The following MAGI1 variants were observed in gnomAD, a reference collection of about 807,000 sequenced individuals.
MAGI1 encodes the protein membrane associated guanylate kinase, WW and PDZ domain containing 1.
A neutral mutation model predicts 139.9 loss-of-function variants in MAGI1; 58 were observed. That is an observed-to-expected ratio of 0.41 (90% confidence interval 0.34 to 0.52). The LOEUF is 0.52. Ranked by LOEUF, MAGI1 falls within the 20% of genes least tolerant of loss-of-function variation. The pLI is 0.12. For synonymous variants in MAGI1, 812 were observed against 737.9 expected (o/e 1.10, Z -1.63); for missense variants, 1,874 against 1,901.6 (o/e 0.99, Z 0.27).
At chr3:65,616,564 GT>G (rs1159025750) in intron 2 of MAGI1, among the ~76,000 whole-genome samples, 1 of 152,168 alleles carries the variant, frequency 6.6e-6, no homozygotes, top group African/African-American at 2.4e-5. Flanking sequence ...TATTGCTATT[GT>G]TACTAGTCAT....
At chr3:65,509,948 A>T (rs1344834448) in intron 2 of MAGI1, among the ~76,000 whole-genome samples, 3 of 152,178 alleles carry the variant, frequency 2.0e-5, no homozygotes, top group Non-Finnish European at 4.4e-5. Flanking sequence ...AGCACGCAGA[A>T]GGAGATCTGA....
intron 2 of MAGI1, among the ~76,000 whole-genome samples, chr3:65,531,977 C>T (rs2078734495): frequency 6.6e-6 from 1 of 152,134 alleles, no homozygotes; most frequent in African/African-American, 2.4e-5. Flanking sequence ...GTATTCTAAA[C>T]CTGACCACTT....
At chr3:65,640,915 A>G (rs1424117608) in intron 1 of MAGI1, among the ~76,000 whole-genome samples, 1 of 152,152 alleles carries the variant, frequency 6.6e-6, no homozygotes, top group Non-Finnish European at 1.5e-5. Context: ...ATAGGTCCAC[A>G]CTTCAGCCTT....
chr3:65,587,479 CTTTTTTT>C (rs755825684), intron 2 of MAGI1, among the ~76,000 whole-genome samples: 1 of 109,520 alleles, frequency 9.1e-6, no homozygotes, highest in African/African-American at 3.9e-5. Context: ...TTACTTTTTT[CTTTTTTT>C]TTTTTTTTTT....
At chr3:65,835,245 C>T (rs59997916) in intron 1 of MAGI1, among the ~76,000 whole-genome samples, 21,790 of 151,888 alleles carry the variant, frequency 0.14, 2,198 homozygotes, top group African/African-American at 0.27. Flanking sequence ...TTTAAGTGCC[C>T]CTCTGGTATA....
chr3:65,702,721 C>A (rs1247888778), intron 1 of MAGI1, among the ~76,000 whole-genome samples: 1 of 152,114 alleles, frequency 6.6e-6, no homozygotes, highest in Non-Finnish European at 1.5e-5. Flanking sequence ...TGTACTACAA[C>A]CACTGGTACT....
intron 1 of MAGI1, among the ~76,000 whole-genome samples, chr3:66,034,555 G>A (rs555901189): frequency 9.2e-5 from 14 of 152,224 alleles, no homozygotes; most frequent in Middle Eastern, 3.4e-3. Flanking sequence ...ACATTTTTCC[G>A]AAGCATATAC....
intron 1 of MAGI1, among the ~76,000 whole-genome samples, chr3:65,760,285 G>A (rs2036907783): frequency 6.6e-6 from 1 of 151,628 alleles, no homozygotes; most frequent in Non-Finnish European, 1.5e-5. Context: ...TGCTCTAAGA[G>A]GCAGTTACTA....
intron 1 of MAGI1, among the ~76,000 whole-genome samples, chr3:65,685,369 T>C (rs1487365070): frequency 2.0e-5 from 3 of 152,078 alleles, no homozygotes; most frequent in Non-Finnish European, 2.9e-5. Context: ...TTCTGGGTGG[T>C]AGAATTACAC....
At chr3:65,688,067 C>T in intron 1 of MAGI1, 2 of 764,514 alleles carry the variant, frequency 2.6e-6, no homozygotes, top group East Asian at 3.2e-5. Flanking sequence ...GCTGTGATAA[C>T]CCCAACAGAC....
chr3:65,795,388 C>G (rs887220674), intron 1 of MAGI1, among the ~76,000 whole-genome samples: 2 of 152,132 alleles, frequency 1.3e-5, no homozygotes, highest in African/African-American at 4.8e-5. Flanking sequence ...ACACAGTAAC[C>G]TGGATGACGC....
chr3:65,716,904 A>C (rs9810957), intron 1 of MAGI1, among the ~76,000 whole-genome samples: 60,221 of 152,092 alleles, frequency 0.4, 12,882 homozygotes, highest in African/African-American at 0.48. Context: ...TCAACTTGCT[A>C]AAGCCAAAAA....
intron 1 of MAGI1, among the ~76,000 whole-genome samples, chr3:65,631,354 T>A (rs960713818): frequency 6.6e-6 from 1 of 152,254 alleles, no homozygotes; most frequent in Non-Finnish European, 1.5e-5. Flanking sequence ...TATGGATTTA[T>A]ATCTATGTTT....
At chr3:65,710,547 G>C (rs201601359) in intron 1 of MAGI1, among the ~76,000 whole-genome samples, 1 of 151,958 alleles carries the variant, frequency 6.6e-6, no homozygotes, top group East Asian at 1.9e-4. Flanking sequence ...AAAGTGCTGG[G>C]ATTACAGGCG....
chr3:65,426,466 A>C (rs1194462349), intron 12 of MAGI1, among the ~76,000 whole-genome samples: 2 of 152,232 alleles, frequency 1.3e-5, no homozygotes, highest in Admixed American at 6.5e-5. Context: ...CGTTCTTTAA[A>C]GCATAGAAAG....
At chr3:65,419,369 A>G (rs1324900440) in intron 12 of MAGI1, among the ~76,000 whole-genome samples, 3 of 152,214 alleles carry the variant, frequency 2.0e-5, no homozygotes, top group African/African-American at 7.2e-5. Context: ...ACTTATCTTC[A>G]GTGAGTGTGA....
At chr3:65,751,496 C>G (rs917037997) in intron 1 of MAGI1, among the ~76,000 whole-genome samples, 5 of 152,198 alleles carry the variant, frequency 3.3e-5, no homozygotes, top group Non-Finnish European at 7.3e-5. Context: ...CTGTTCTACA[C>G]GGTTCTGATA....
At chr3:65,714,641 G>A (rs1033706566) in intron 1 of MAGI1, among the ~76,000 whole-genome samples, 1 of 151,826 alleles carries the variant, frequency 6.6e-6, no homozygotes, top group Admixed American at 6.6e-5. Context: ...TGTAAGTAGG[G>A]TTAAAAAAAA....
chr3:65,721,167 T>C (rs1034087880), intron 1 of MAGI1, among the ~76,000 whole-genome samples: 7 of 152,122 alleles, frequency 4.6e-5, no homozygotes, highest in African/African-American at 1.4e-4. Context: ...TTAACTAATA[T>C]GTTTGCCACC....
Sources: gnomAD v4.1 joint callset for allele counts (sites outside exome capture counted in the v4.1 genomes callset) on GRCh38, gnomAD v4.1.1 for gene constraint, MANE v1.5 for transcripts, NCBI Gene and HGNC (gene_info 2026-07-23, HGNC 2026-07-21) for gene names.